PGRMC1: variants seen among roughly 807,000 people sequenced by gnomAD.
PGRMC1 encodes progesterone receptor membrane component 1.
For missense variants in PGRMC1, 145 were observed against 169.0 expected (o/e 0.86, Z 0.79); for synonymous variants, 73 against 77.3 (o/e 0.94, Z 0.29).
intron 1 of PGRMC1, among the ~76,000 whole-genome samples, chrX:119,239,174 C>T (rs1035248294): frequency 8.9e-5 from 10 of 112,012 alleles, no homozygotes; most frequent in Admixed American, 3.8e-4. Context: ...CTGCCATTTC[C>T]ACTAGGGGTG....
intron 1 of PGRMC1, among the ~76,000 whole-genome samples, chrX:119,236,895 C>T (rs1004464198): frequency 8.9e-5 from 10 of 111,995 alleles, no homozygotes; most frequent in South Asian, 3.7e-4. Flanking sequence ...AGAGGGGCTG[C>T]GGGCCAGTCA....
At chrX:119,238,449 AT>A (rs1930748356) in intron 1 of PGRMC1, among the ~76,000 whole-genome samples, 1 of 112,398 alleles carries the variant, frequency 8.9e-6, no homozygotes, top group African/African-American at 3.2e-5. Flanking sequence ...AGTAGCACAC[AT>A]AGTTGCTTTA....
At chrX:119,242,940 C>T (rs1930853021) in intron 2 of PGRMC1, among the ~76,000 whole-genome samples, 1 of 112,600 alleles carries the variant, frequency 8.9e-6, no homozygotes, top group African/African-American at 3.2e-5. Context: ...CATTGCCAGA[C>T]GTTGCCACCT....
chrX:119,238,447 A>T (rs1441140104), intron 1 of PGRMC1, among the ~76,000 whole-genome samples: 1 of 112,424 alleles, frequency 8.9e-6, no homozygotes, highest in South Asian at 3.7e-4. Context: ...AGAGTAGCAC[A>T]CATAGTTGCT....
In PGRMC1 at chrX:119,243,963, T is replaced by C. The variant is rs1413304980; in HGVS notation, c.*709T>C. On this transcript the variant is annotated 3_prime_UTR_variant, in exon 3 of 3. Coordinates refer to ENST00000217971, the MANE Select transcript of PGRMC1 (RefSeq NM_006667.5). ...TGGCTGGCCTAAAAACCTAAATATATGATGAAGATTGTAGGACTGTCTTCC... is the reference window on the plus strand; with the variant it reads ...TGGCTGGCCTAAAAACCTAAATATACGATGAAGATTGTAGGACTGTCTTCC... 1 of 111,722 alleles carries C rather than the reference T, an allele frequency of 9.0e-6. No individual in the cohort carries two copies. The highest frequency in any genetic ancestry group is 9.5e-5 in the Admixed American group (1 of 10,582). 9.2% of individuals were successfully genotyped at this position (111,722 alleles called of 1,213,427 possible).
At chrX:119,242,508 A>G (rs1930841815) in intron 2 of PGRMC1, among the ~76,000 whole-genome samples, 1 of 111,002 alleles carries the variant, frequency 9.0e-6, no homozygotes, top group East Asian at 2.8e-4. Context: ...TCTGCCCTAT[A>G]CACCACATTG....
chrX:119,243,341 T>C lies in PGRMC1; in HGVS notation c.*87T>C. ...TGTCTTTAAAACATAGTGATTACAA[T>C]ATTTAGAAAGTTTTGAGCACTTGCT... On this transcript the variant is annotated 3_prime_UTR_variant, in exon 3 of 3. Coordinates refer to ENST00000217971, the MANE Select transcript of PGRMC1 (RefSeq NM_006667.5). 1 of 589,450 alleles carries C rather than the reference T, an allele frequency of 1.7e-6. No homozygotes were observed. Among genetic ancestry groups the C allele is most frequent in the South Asian group, 2.4e-5 (1 of 41,171 alleles). The allele number at this position is 589,450 out of a possible 1,213,427, so 48.6% of individuals were successfully genotyped here.
chrX:119,236,554 C>G lies in PGRMC1; in HGVS notation c.191C>G (p.Pro64Arg). ...GACAGCGACGACGACGAGCCGCCCCCTCTGCCCCGCCTCAAGCGGCGCGAC... is the reference window on the plus strand; with the variant it reads ...GACAGCGACGACGACGAGCCGCCCCGTCTGCCCCGCCTCAAGCGGCGCGAC... ...SGDSDDDEPP[P>R]LPRLKRRDFT... is the part of the protein sequence containing the mutation. Residue 64 changes from proline (P) to arginine (R), a missense_variant, in exon 1 of 3, where the codon CCT (proline) becomes CGT (arginine). By Grantham distance (103) the Pro-to-Arg change is moderately radical (BLOSUM62 -2). Coordinates refer to ENST00000217971, the MANE Select transcript of PGRMC1 (RefSeq NM_006667.5). 1 of 1,208,786 alleles carries G rather than the reference C, an allele frequency of 8.3e-7. No individual in the cohort carries two copies. The highest frequency in any genetic ancestry group is 1.1e-6 in the Non-Finnish European group (1 of 894,049).
rs1261905795 is a variant in PGRMC1, at chrX:119,240,504, C to T, written c.484+40C>T. The T allele has an allele frequency of 2.7e-6, 3 of 1,093,119 alleles. No homozygotes were observed. The East Asian group carries it at 9.0e-5, about 33-fold the overall frequency. 90.1% of individuals were successfully genotyped at this position (1,093,119 alleles called of 1,213,427 possible). On this transcript the variant is annotated intron_variant, in intron 2 of 2. Coordinates refer to ENST00000217971, the MANE Select transcript of PGRMC1 (RefSeq NM_006667.5). The stretch of plus-strand genomic sequence containing the variant: ...AATTGTGTCTGGGTCAAATTTCTAC[C>T]AGTAATGGGGATTCGTGGCAGGACA...
At chrX:119,242,891 TACAC>T (rs1930851083) in intron 2 of PGRMC1, among the ~76,000 whole-genome samples, 1 of 112,443 alleles carries the variant, frequency 8.9e-6, no homozygotes, top group Non-Finnish European at 1.9e-5. Context: ...AAACATTCCT[TACAC>T]ACAAACAATT....
intron 1 of PGRMC1, among the ~76,000 whole-genome samples, chrX:119,238,553 T>C (rs1930750057): frequency 1.8e-5 from 2 of 112,550 alleles, no homozygotes; most frequent in African/African-American, 6.5e-5. Context: ...TGACTGTAGT[T>C]TGCAGAGTCA....
chrX:119,241,701 G>A (rs1290260667), intron 2 of PGRMC1, among the ~76,000 whole-genome samples: 1 of 111,557 alleles, frequency 9.0e-6, no homozygotes, highest in Non-Finnish European at 1.9e-5. Context: ...GCTTTTATTT[G>A]TCTCACACAG....
chrX:119,243,565 T>C lies in PGRMC1; in HGVS notation c.*311T>C. ...CTGAGAGACAAGGAAGACTTGGGTA[T>C]TTCCCAAAACAGGTAAAAATCTTAA... On this transcript the variant is annotated 3_prime_UTR_variant, in exon 3 of 3. Transcript: ENST00000217971. 3.9e-6 allele frequency: 1 copy of C among 257,633 alleles called. No homozygotes were observed. The highest frequency in any genetic ancestry group is 6.3e-5 in the South Asian group (1 of 15,843). 21.2% of individuals were successfully genotyped at this position (257,633 alleles called of 1,213,427 possible). A position where few individuals can be genotyped will look rare whatever the true frequency, so the allele number is the denominator to read the frequency against.
chrX:119,239,335 T>C lies in PGRMC1; in HGVS notation c.329-974T>C, dbSNP rs774944857. On this transcript the variant is annotated intron_variant, in intron 1 of 2. Transcript: ENST00000217971. Reference sequence around the variant, plus strand: ...AAAAATTTCTGAGTGTATTGAGGTTTCAGGTGAACAGGCCATATTGAAACT... The same window carrying C: ...AAAAATTTCTGAGTGTATTGAGGTTCCAGGTGAACAGGCCATATTGAAACT... 6.2e-5 allele frequency among the ~76,000 whole-genome samples: 7 copies of C among 112,250 alleles called. No homozygotes were observed. In the Admixed American group the frequency reaches 6.6e-4, roughly 11 times the overall value.
chrX:119,241,684 C>CCACCT (rs1320687459), intron 2 of PGRMC1, among the ~76,000 whole-genome samples: 2 of 111,720 alleles, frequency 1.8e-5, no homozygotes, highest in African/African-American at 6.5e-5. Context: ...TTCCCAGGAG[C>CCACCT]CACCTGGCTT....
rs41294902 is a variant in PGRMC1 at position 119,242,802 on chromosome X, A to G, written c.485-349A>G. Among the ~76,000 whole-genome samples the G allele has an allele frequency of 5.4e-4, 60 of 111,414 alleles. No homozygotes were observed. In the East Asian group the frequency reaches 0.016, roughly 29 times the overall value. On this transcript the variant is annotated intron_variant, in intron 2 of 2. Coordinates refer to ENST00000217971, the MANE Select transcript of PGRMC1 (RefSeq NM_006667.5). Reference sequence around the variant, plus strand: ...ACTCCCTCCCTAAATCCTTCTATACATTTTTCCAAAATATATCCTCCTTCC... The same window carrying G: ...ACTCCCTCCCTAAATCCTTCTATACGTTTTTCCAAAATATATCCTCCTTCC...
chrX:119,237,478 G>C (rs1930728197), intron 1 of PGRMC1, among the ~76,000 whole-genome samples: 1 of 110,768 alleles, frequency 9.0e-6, no homozygotes, highest in African/African-American at 3.3e-5. Flanking sequence ...AAGGCTGGAA[G>C]GTGAACAAGG....
rs768815026 is a variant in PGRMC1, at chrX:119,240,481, TTG to T, written c.484+21_484+22del. On this transcript the variant is annotated intron_variant, in intron 2 of 2. Transcript: ENST00000217971. ...AGTTCACTTGTAAGCATTTTTAAAA[TTG>T]TGTCTGGGTCAAATTTCTACCAGTA... is the stretch of plus-strand genomic sequence containing the variant. The T allele has an allele frequency of 1.7e-6, 2 of 1,179,714 alleles. No individual in the cohort carries two copies. The highest frequency in any genetic ancestry group is 3.5e-5 in the African/African-American group (2 of 56,519).
intron 1 of PGRMC1, among the ~76,000 whole-genome samples, chrX:119,239,577 ATTTTATAGAGTTG>A (rs1350291479): frequency 8.9e-6 from 1 of 112,385 alleles, no homozygotes; most frequent in East Asian, 2.8e-4. Flanking sequence ...AAATAATCAC[ATTTTATAGAGTTG>A]TTTTATAGAG....
Sources: gnomAD v4.1 joint callset for allele counts (sites outside exome capture counted in the v4.1 genomes callset) on GRCh38, gnomAD v4.1.1 for gene constraint, MANE v1.5 for transcripts, NCBI Gene and HGNC (gene_info 2026-07-23, HGNC 2026-07-21) for gene names.